PCDH7: variants seen among roughly 807,000 people sequenced by gnomAD.
The protein encoded by PCDH7 is protocadherin-7.
Under a neutral mutation model 58.9 loss-of-function variants are expected in PCDH7, and 17 were observed. The ratio of observed to expected loss-of-function variants is 0.29; its 90% CI spans 0.20 to 0.43. The LOEUF is 0.43. PCDH7 is among the 20% of genes least tolerant of loss of function. PCDH7 has a pLI of 1.00. For synonymous variants in PCDH7, 664 were observed against 616.4 expected (o/e 1.08, Z -1.14); for missense variants, 1,274 against 1,441.0 (o/e 0.88, Z 1.88).
At chr4:30,849,094 A>C (rs1732368960) in intron 1 of PCDH7, among the ~76,000 whole-genome samples, 1 of 152,084 alleles carries the variant, frequency 6.6e-6, no homozygotes. Flanking sequence ...GTGGTTTGTC[A>C]GTGGAGAAAA....
intron 1 of PCDH7, among the ~76,000 whole-genome samples, chr4:30,896,883 T>C (rs1004841542): frequency 7.0e-6 from 1 of 141,912 alleles, no homozygotes. Context: ...CCCTCCTAGT[T>C]CTTTGCTTTT....
chr4:30,935,418 T>G, intron 2 of PCDH7: 13 of 427,712 alleles, frequency 3.0e-5, no homozygotes, highest in Non-Finnish European at 4.1e-5. Context: ...CATGGGTCTC[T>G]AACTACCATG....
chr4:30,992,793 CTTTTTTTTT>C (rs577504420), intron 3 of PCDH7, among the ~76,000 whole-genome samples: 2 of 95,664 alleles, frequency 2.1e-5, no homozygotes, highest in African/African-American at 4.5e-5. Flanking sequence ...CTGTCCCATT[CTTTTTTTTT>C]TTTTTTTTTT....
chr4:30,733,924 A>T (rs552288494), downstream of PCDH7, among the ~76,000 whole-genome samples: 11 of 152,332 alleles, frequency 7.2e-5, no homozygotes, highest in African/African-American at 2.6e-4. Flanking sequence ...TCATACTACT[A>T]AAAAATCATG....
At position 30,819,239 on chromosome 4, in the gene PCDH7, A is replaced by G. The variant is rs545143428; in HGVS notation, c.70+94643A>G. On this transcript the variant is annotated intron_variant, in intron 1 of 3. Coordinates refer to the PCDH7 transcript ENST00000509759. ...CTTTTAGGGAAGAAAAATAAGTGTC[A>G]TGAGGATAAAAAGTTGTGGTGGGGA... 3.3e-5 allele frequency among the ~76,000 whole-genome samples: 5 copies of G among 152,288 alleles called. No individual in the cohort carries two copies. In the East Asian group the frequency reaches 7.7e-4, roughly 24 times the overall value.
At chr4:30,881,479 T>C (rs1247804599) in intron 1 of PCDH7, among the ~76,000 whole-genome samples, 38 of 152,186 alleles carry the variant, frequency 2.5e-4, no homozygotes, top group Admixed American at 2.5e-3. Context: ...CATGCACATT[T>C]ACAGCAACCA....
chr4:30,747,383 AT>A, intron 1 of PCDH7, among the ~76,000 whole-genome samples: 1 of 151,864 alleles, frequency 6.6e-6, no homozygotes. Flanking sequence ...AAACTTTTTT[AT>A]TTTAAATGGC....
At chr4:31,056,747 A>C (rs1757291025) in intron 3 of PCDH7, among the ~76,000 whole-genome samples, 1 of 148,418 alleles carries the variant, frequency 6.7e-6, no homozygotes, top group Admixed American at 6.7e-5. Flanking sequence ...GAAAGCAAAG[A>C]AAAGAAAGAG....
chr4:30,741,440 C>T (rs948569386), intron 1 of PCDH7, among the ~76,000 whole-genome samples: 10 of 152,216 alleles, frequency 6.6e-5, no homozygotes, highest in Middle Eastern at 3.4e-3. Context: ...GCCATCTGCC[C>T]GCCTTGGCCT....
intron 1 of PCDH7, among the ~76,000 whole-genome samples, chr4:30,745,077 CA>C (rs1474574428): frequency 6.6e-6 from 1 of 151,750 alleles, no homozygotes; most frequent in Admixed American, 6.6e-5. Flanking sequence ...AAGCGATTTC[CA>C]AAAAAACAAG....
intron 3 of PCDH7, among the ~76,000 whole-genome samples, chr4:31,077,335 G>A (rs752098472): frequency 5.3e-5 from 8 of 151,384 alleles, no homozygotes; most frequent in Non-Finnish European, 7.4e-5. Context: ...CTTGAGCCCA[G>A]GAGGCAGAGG....
At chr4:31,008,083 G>A (rs1476139894) in intron 3 of PCDH7, among the ~76,000 whole-genome samples, 1 of 152,100 alleles carries the variant, frequency 6.6e-6, no homozygotes, top group Admixed American at 6.5e-5. Context: ...TCTGGGAGAT[G>A]GCAGATGATG....
chr4:30,741,885 G>A (rs1164504268), intron 1 of PCDH7, among the ~76,000 whole-genome samples: 1 of 152,196 alleles, frequency 6.6e-6, no homozygotes, highest in African/African-American at 2.4e-5. Context: ...TGCTTTCAAG[G>A]AGGGTTCAAG....
intron 1 of PCDH7, among the ~76,000 whole-genome samples, chr4:30,728,747 G>A (rs1280037796): frequency 1.3e-5 from 2 of 150,966 alleles, no homozygotes; most frequent in African/African-American, 4.9e-5. Context: ...ATTTTAATGA[G>A]CCATCTAGTA....
chr4:30,794,323 A>G (rs537780763), intron 1 of PCDH7, among the ~76,000 whole-genome samples: 1 of 152,352 alleles, frequency 6.6e-6, no homozygotes. Context: ...AGATTCTGTC[A>G]AGCTTGCTTT....
intron 1 of PCDH7, among the ~76,000 whole-genome samples, chr4:30,859,898 C>G (rs1173554098): frequency 6.6e-6 from 1 of 152,130 alleles, no homozygotes; most frequent in African/African-American, 2.4e-5. Flanking sequence ...AAAGAAGTCT[C>G]TCAACGAATT....
chr4:30,921,153 G>A (rs1445827453), intron 2 of PCDH7, among the ~76,000 whole-genome samples: 1 of 152,036 alleles, frequency 6.6e-6, no homozygotes, highest in African/African-American at 2.4e-5. Context: ...TCTGGATTTT[G>A]AGTCATAAGT....
At chr4:30,935,998 C>T (rs1745294789) in intron 2 of PCDH7, among the ~76,000 whole-genome samples, 1 of 152,010 alleles carries the variant, frequency 6.6e-6, no homozygotes, top group Admixed American at 6.6e-5. Flanking sequence ...TTGGTATTCA[C>T]TCCCTCTTAT....
intron 3 of PCDH7, among the ~76,000 whole-genome samples, chr4:31,087,159 C>T (rs866557958): frequency 6.6e-6 from 1 of 152,106 alleles, no homozygotes; most frequent in East Asian, 1.9e-4. Context: ...AGTAAATAAA[C>T]ATACAGCAGG....
Sources: gnomAD v4.1 joint callset for allele counts (sites outside exome capture counted in the v4.1 genomes callset) on GRCh38, gnomAD v4.1.1 for gene constraint, MANE v1.5 for transcripts, NCBI Gene and HGNC (gene_info 2026-07-23, HGNC 2026-07-21) for gene names.